Variants in MX1 observed in about 807,000 individuals in gnomAD.
The protein encoded by MX1 is MX dynamin like GTPase 1.
Under a neutral mutation model 66.4 loss-of-function variants are expected in MX1, and 66 were observed. That is an observed-to-expected ratio of 0.99 (90% CI 0.82 to 1.22). MX1 has a LOEUF of 1.22. Among genes scored for constraint, MX1 ranks in the 50% most tolerant of loss-of-function variants. MX1 has a pLI of 0.00. For synonymous variants in MX1, 311 were observed against 318.1 expected (o/e 0.98, Z 0.24); for missense variants, 787 against 834.3 (o/e 0.94, Z 0.70).
chr21:41,455,299 T>A lies in MX1; in HGVS notation c.1758+2430T>A, dbSNP rs544798622. On this transcript the variant is annotated intron_variant, in intron 16 of 16. Coordinates refer to ENST00000398598, the MANE Select transcript of MX1 (RefSeq NM_002462.5). Reference sequence around the variant, plus strand: ...CAAGGCTCTAAACCGAGGGTCAACATCCATTCCTCCAGACACTGGGAGCTG... The same window carrying A: ...CAAGGCTCTAAACCGAGGGTCAACAACCATTCCTCCAGACACTGGGAGCTG... Among the ~76,000 whole-genome samples, 284 of 152,222 alleles carry A rather than the reference T, an allele frequency of 1.9e-3. 1 individual carries two copies. The highest frequency in any genetic ancestry group is 6.5e-3 in the African/African-American group (270 of 41,540).
chr21:41,458,961 A>G lies in MX1; in HGVS notation c.*203A>G. The G allele has an allele frequency of 2.2e-6, 2 of 897,312 alleles. No individual in the cohort carries two copies. Among genetic ancestry groups the G allele is most frequent in the South Asian group, 1.9e-5 (1 of 52,608 alleles). 55.6% of individuals were successfully genotyped at this position (897,312 alleles called of 1,614,324 possible). A position where few individuals can be genotyped will look rare whatever the true frequency, so the allele number is the denominator to read the frequency against. On this transcript the variant is annotated 3_prime_UTR_variant, in exon 17 of 17. Coordinates refer to ENST00000398598, the MANE Select transcript of MX1 (RefSeq NM_002462.5). ...GACAGAGCCCCACCCTCAGATGCAC[A>G]TGAGCTGGCGGGATTGAAGGATGCT... is the stretch of plus-strand genomic sequence containing the variant.
At chr21:41,438,901 C>T (rs748418677) in intron 7 of MX1, among the ~76,000 whole-genome samples, 10 of 152,144 alleles carry the variant, frequency 6.6e-5, no homozygotes, top group Non-Finnish European at 7.3e-5. Flanking sequence ...AAGGCCCCCC[C>T]GTGACTTAGT....
At chr21:41,448,930 T>TTGTGTGTGTGTGTG (rs10528033) in intron 13 of MX1, among the ~76,000 whole-genome samples, 2 of 139,532 alleles carry the variant, frequency 1.4e-5, no homozygotes, top group Admixed American at 1.5e-4. Flanking sequence ...AGATCTGGTT[T>TTGTGTGTGTGTGTG]TGTGTGTGTG....
Position 41,443,826 on chromosome 21 carries a change from T to A in MX1, c.968T>A (p.Leu323Gln). ...LEEGKATVPC[L>Q]AEKLTSELIT... ...GAAGGAAAGGCCACGGTTCCCTGCC[T>A]GGCAGAAAAACTTACCAGCGAGCTC... The change falls in exon 11 of 17, where the codon CTG (leucine) becomes CAG (glutamine). Residue 323 changes from leucine to glutamine, a missense_variant. Coordinates refer to ENST00000398598, the MANE Select transcript of MX1 (RefSeq NM_002462.5). 3 of 1,614,254 alleles carry A rather than the reference T, an allele frequency of 1.9e-6. No homozygotes were observed. The highest frequency in any genetic ancestry group is 2.5e-6 in the Non-Finnish European group (3 of 1,180,044).
intron 5 of MX1, among the ~76,000 whole-genome samples, chr21:41,432,898 A>G (rs1339094833): frequency 6.6e-6 from 1 of 152,250 alleles, no homozygotes; most frequent in African/African-American, 2.4e-5. Flanking sequence ...TGAAGCGTTT[A>G]GAAAAATACA....
Position 41,452,851 on chromosome 21 carries a change from C to T in MX1, c.1740C>T (p.His580=). 6.2e-7 allele frequency: 1 copy of T among 1,614,166 alleles called. No individual in the cohort carries two copies. Among genetic ancestry groups the T allele is most frequent in the Middle Eastern group, 1.6e-4 (1 of 6,062 alleles). The change falls in exon 16 of 17, where the codon CAC becomes CAT. Residue 580 remains histidine (H), a synonymous_variant. Coordinates refer to ENST00000398598, the MANE Select transcript of MX1 (RefSeq NM_002462.5). The part of the protein sequence containing the change: ...TDSSMEEIFQ[H]LMAYHQEASK... ...CTTCCATGGAGGAGATCTTTCAGCA[C>T]CTGATGGCCTATCACCAGGTACGTC...
At chr21:41,427,933 T>G (rs1342460098) in intron 3 of MX1, 67 bp downstream of exon 3, 1 of 152,168 alleles carries the variant, frequency 6.6e-6, no homozygotes, top group African/African-American at 2.4e-5. Flanking sequence ...TGAGACAAGG[T>G]CTCACTCTGT....
intron 16 of MX1, among the ~76,000 whole-genome samples, chr21:41,453,842 C>T (rs755928901): frequency 3.9e-5 from 6 of 152,238 alleles, no homozygotes; most frequent in African/African-American, 7.2e-5. Context: ...TTCTGGTTGA[C>T]GATTGCTTGA....
intron 15 of MX1, among the ~76,000 whole-genome samples, chr21:41,451,462 A>T (rs3737400): frequency 9.2e-5 from 14 of 151,606 alleles, no homozygotes; most frequent in Admixed American, 9.2e-4. Flanking sequence ...AGAGATCCAC[A>T]GTTAGCGGAG....
Position 41,459,126 on chromosome 21 carries a change from C to G in MX1, c.*368C>G, listed in dbSNP as rs1003780986. 24 of 301,124 alleles carry G rather than the reference C, an allele frequency of 8.0e-5. No homozygotes were observed. Among genetic ancestry groups the G allele is most frequent in the Non-Finnish European group, 1.4e-4 (22 of 161,012 alleles). 18.7% of individuals were successfully genotyped at this position (301,124 alleles called of 1,614,324 possible). On this transcript the variant is annotated 3_prime_UTR_variant, in exon 17 of 17. Transcript: ENST00000398598. ...ATTTTTATAATGTCCCTTCACAAAC[C>G]CAGTGTTTTAGGAGCATGAGTGCCG...
rs750846737 is a variant in MX1 at position 41,449,288 on chromosome 21, C to A, written c.1425C>A (p.Thr475=). 14 of 1,609,764 alleles carry A rather than the reference C, an allele frequency of 8.7e-6. No individual in the cohort carries two copies. Among genetic ancestry groups the A allele is most frequent in the African/African-American group, 1.3e-5 (1 of 74,540 alleles). The stretch of plus-strand genomic sequence containing the variant: ...AGCCGGCTGTGGATATGCTACACAC[C>A]GTGACGGGTGAGTGCTCAGTTTCAC... ...LEEPAVDMLH[T]VTDMVRLAFT... The change falls in exon 14 of 17, where the codon ACC becomes ACA. Residue 475 remains threonine (T), a synonymous_variant. Transcript: ENST00000398598.
intron 6 of MX1, among the ~76,000 whole-genome samples, chr21:41,436,388 G>A (rs1256904894): frequency 6.6e-6 from 1 of 152,216 alleles, no homozygotes; most frequent in Non-Finnish European, 1.5e-5. Context: ...TTCAACATAG[G>A]AATTTGGAGG....
chr21:41,451,834 CAAA>C (rs559021046), intron 15 of MX1, among the ~76,000 whole-genome samples: 10 of 51,476 alleles, frequency 1.9e-4, no homozygotes, highest in Non-Finnish European at 3.1e-4. Context: ...GACCCCGTCT[CAAA>C]AAAAAAAAAA....
chr21:41,452,871 TA>T lies in MX1; in HGVS notation c.1758+3del. Reference sequence around the variant, plus strand: ...CAGCACCTGATGGCCTATCACCAGGTACGTCTTCGCGTGGTTCAGGATGCCA... The same window carrying T: ...CAGCACCTGATGGCCTATCACCAGGTCGTCTTCGCGTGGTTCAGGATGCCA... On this transcript the variant is annotated splice_donor_region_variant and intron_variant, in intron 16 of 16. Transcript: ENST00000398598. The T allele has an allele frequency of 2.5e-6, 4 of 1,613,926 alleles. No homozygotes were observed. Among genetic ancestry groups the T allele is most frequent in the Non-Finnish European group, 3.4e-6 (4 of 1,179,894 alleles).
chr21:41,454,624 G>A (rs467593), intron 16 of MX1, among the ~76,000 whole-genome samples: 90,713 of 152,098 alleles, frequency 0.6, 28,454 homozygotes, highest in Non-Finnish European at 0.7. Context: ...ACATGCTTTG[G>A]TTGATACTGC....
intron 16 of MX1, among the ~76,000 whole-genome samples, chr21:41,453,409 C>G (rs987850540): frequency 6.6e-6 from 1 of 152,214 alleles, no homozygotes; most frequent in African/African-American, 2.4e-5. Flanking sequence ...GAGATGGTGG[C>G]TTAGAGCCAG....
At chr21:41,433,882 C>T (rs1052726894) in intron 5 of MX1, among the ~76,000 whole-genome samples, 2 of 152,088 alleles carry the variant, frequency 1.3e-5, no homozygotes, top group Admixed American at 6.6e-5. Flanking sequence ...GAACTAAGAC[C>T]GAGGCTACCA....
At chr21:41,448,370 T>C (rs963375016) in intron 13 of MX1, among the ~76,000 whole-genome samples, 10 of 152,222 alleles carry the variant, frequency 6.6e-5, no homozygotes, top group Admixed American at 2.0e-4. Context: ...CACATGAATA[T>C]GTGATGTATT....
At position 41,458,653 on chromosome 21, in the gene MX1, G is replaced by T. The variant is rs772940308; in HGVS notation, c.1884G>T (p.Trp628Cys). 6.2e-7 allele frequency: 1 copy of T among 1,614,232 alleles called. No homozygotes were observed. Among genetic ancestry groups the T allele is most frequent in the Admixed American group, 1.7e-5 (1 of 60,034 alleles). ...TGCAGGACAAGGACACCTACAGCTG[G>T]CTCCTGAAGGAGCGGAGCGACACCA... ...QLLQDKDTYS[W>C]LLKERSDTSD... Residue 628 changes from tryptophan (W) to cysteine (C), a missense_variant, in exon 17 of 17, where the codon TGG (tryptophan) becomes TGT (cysteine). Physicochemically the swap from Trp to Cys is radical, Grantham distance 215. Coordinates refer to ENST00000398598, the MANE Select transcript of MX1 (RefSeq NM_002462.5).
Sources: allele counts gnomAD v4.1 joint callset (sites outside exome capture counted in the v4.1 genomes callset), GRCh38; gene constraint gnomAD v4.1.1; transcripts MANE v1.5; gene names NCBI Gene and HGNC (gene_info 2026-07-23, HGNC 2026-07-21).